DNAH10: variants seen among roughly 807,000 people sequenced by gnomAD.
The protein encoded by DNAH10 is axonemal beta dynein heavy chain 10.
In DNAH10, 348 loss-of-function variants were observed where a neutral mutation model predicts 506.6. The observed-to-expected ratio is 0.69, with a 90% CI of 0.63 to 0.75. The LOEUF (loss-of-function observed/expected upper bound fraction) is 0.75, where lower values mean the gene tolerates loss of function less well. Among genes scored for constraint, DNAH10 ranks in the 30% least tolerant of loss-of-function variants. The pLI is 0.00. For synonymous variants in DNAH10, 2,059 were observed against 2,198.6 expected (o/e 0.94, Z 1.78); for missense variants, 5,179 against 5,787.1 (o/e 0.89, Z 3.41).
chr12:123,914,266 A>G, intron 60 of DNAH10, 63 bp from the exon 61 acceptor site: 2 of 1,469,400 alleles, frequency 1.4e-6, no homozygotes, highest in Non-Finnish European at 1.9e-6. Flanking sequence ...TTCTTCTGGA[A>G]TGTTCCTTTT....
chr12:123,842,257 A>T (rs1950801420), intron 30 of DNAH10, among the ~76,000 whole-genome samples: 1 of 152,222 alleles, frequency 6.6e-6, no homozygotes, highest in Non-Finnish European at 1.5e-5. Context: ...CTAGGCGTTT[A>T]GTGGGATTAT....
intron 24 of DNAH10, among the ~76,000 whole-genome samples, chr12:123,823,612 T>C (rs1348672000): frequency 6.6e-6 from 1 of 152,224 alleles, no homozygotes; most frequent in African/African-American, 2.4e-5. Context: ...TAAGTGGTTT[T>C]AAAATGTTTA....
At position 123,848,769 on chromosome 12, in the gene DNAH10, G is replaced by A. The variant is rs778047241; in HGVS notation, c.5989G>A (p.Ala1997Thr). ...TTTCTCTGGCCTGGCACAGTGCGGG[G>A]CTTGGGGCTGCTTTGATGAGTTTAA... The part of the protein sequence containing the change: ...KIFSGLAQCG[A>T]WGCFDEFNRI... The change falls in exon 34 of 79, where the codon GCT (alanine) becomes ACT (threonine). Residue 1997 changes from alanine to threonine, a missense_variant. This residue lies in a region of DNAH10 where 4,844 missense variants were observed against 5,430.5 expected (regional missense o/e 0.89). Transcript: ENST00000673944. 1.9e-6 allele frequency: 3 copies of A among 1,613,874 alleles called. No individual in the cohort carries two copies. Among genetic ancestry groups the A allele is most frequent in the Non-Finnish European group, 2.5e-6 (3 of 1,179,890 alleles).
intron 29 of DNAH10, 103 bp from the exon 30 acceptor site, chr12:123,841,219 A>G: frequency 1.6e-6 from 2 of 1,237,146 alleles, no homozygotes; most frequent in Admixed American, 1.7e-5. Flanking sequence ...ACCGGTTGCC[A>G]TTGCTTGCAT....
At chr12:123,841,112 T>G (rs1010106942) in intron 29 of DNAH10, among the ~76,000 whole-genome samples, 2 of 152,214 alleles carry the variant, frequency 1.3e-5, no homozygotes, top group Non-Finnish European at 2.9e-5. Flanking sequence ...CCACAGATCT[T>G]TGCACAGTAC....
chr12:123,889,660 G>C (rs1361547859), intron 52 of DNAH10, among the ~76,000 whole-genome samples: 1 of 152,226 alleles, frequency 6.6e-6, no homozygotes, highest in Non-Finnish European at 1.5e-5. Flanking sequence ...TCACTGTAGA[G>C]ACTTTTCAGC....
intron 41 of DNAH10, 79 bp downstream of exon 41, chr12:123,866,152 G>T: frequency 8.6e-7 from 1 of 1,162,484 alleles, no homozygotes; most frequent in Non-Finnish European, 1.1e-6. Flanking sequence ...AGGGATGTTT[G>T]TAGTTGAAGG....
chr12:123,837,415 C>T (rs1008691415), intron 28 of DNAH10, among the ~76,000 whole-genome samples: 1 of 151,094 alleles, frequency 6.6e-6, no homozygotes, highest in African/African-American at 2.4e-5. Flanking sequence ...TTAGAAATTA[C>T]AAAAAGCCAA....
Position 123,796,849 on chromosome 12 carries a change from A to G in DNAH10, c.2163+17A>G, listed in dbSNP as rs139342147. On this transcript the variant is annotated intron_variant, in intron 13 of 78. Coordinates refer to ENST00000673944, the MANE Select transcript of DNAH10 (RefSeq NM_001372106.1). ...GGACAGGAGGTATGTTGCTCTTGCT[A>G]GAATTGGCTCCTTTTGTATTTGATT... 409 of 1,572,160 alleles carry G rather than the reference A, an allele frequency of 2.6e-4. 1 individual carries two copies. The East Asian group carries it at 8.7e-3, about 33-fold the overall frequency.
chr12:123,855,680 G>A (rs1028338597), intron 36 of DNAH10, among the ~76,000 whole-genome samples: 3 of 148,388 alleles, frequency 2.0e-5, no homozygotes, highest in East Asian at 1.9e-4. Context: ...ATATATATGC[G>A]CACCTAAAGG....
At position 123,913,357 on chromosome 12, in the gene DNAH10, G is replaced by A. The variant is rs1462247097; in HGVS notation, c.10352+42G>A. ...AGCCCACCTGTTGCGGTTTGTAAAC[G>A]GACGTCACCCACAGAGTTTCTCGCC... is the stretch of plus-strand genomic sequence containing the variant. On this transcript the variant is annotated intron_variant, in intron 60 of 78. Transcript: ENST00000673944. The surrounding 1 kb of genome is among the most constrained non-coding windows in gnomAD (Gnocchi z 5.1). The A allele has an allele frequency of 4.6e-6, 7 of 1,514,480 alleles. No homozygotes were observed. The highest frequency in any genetic ancestry group is 4.4e-5 in the Admixed American group (2 of 45,738). 93.8% of individuals were successfully genotyped at this position (1,514,480 alleles called of 1,614,324 possible).
chr12:123,805,120 G>T, intron 18 of DNAH10, 80 bp downstream of exon 18: 1 of 1,430,724 alleles, frequency 7.0e-7, no homozygotes, highest in Admixed American at 2.1e-5. Flanking sequence ...TAGAGGGGGT[G>T]GCAAGGTAGA....
At chr12:123,924,912 G>A in intron 67 of DNAH10, 138 bp from the exon 68 acceptor site, 1 of 1,128,288 alleles carries the variant, frequency 8.9e-7, no homozygotes, top group East Asian at 2.6e-5. Flanking sequence ...GAGAATGACA[G>A]ATCTGACCAG....
chr12:123,774,323 T>A (rs1957361011), intron 5 of DNAH10, 59 bp downstream of exon 5: 1 of 1,336,014 alleles, frequency 7.5e-7, no homozygotes, highest in African/African-American at 1.5e-5. Context: ...ATGTGGTTTG[T>A]TTATTCCACA....
intron 10 of DNAH10, among the ~76,000 whole-genome samples, chr12:123,788,668 C>T (rs1252896049): frequency 2.0e-5 from 3 of 152,158 alleles, no homozygotes; most frequent in Non-Finnish European, 4.4e-5. Flanking sequence ...TGGCTCACAC[C>T]TGTAATCCCA....
intron 65 of DNAH10, among the ~76,000 whole-genome samples, chr12:123,921,985 G>A (rs1471273007): frequency 6.6e-6 from 1 of 151,848 alleles, no homozygotes; most frequent in African/African-American, 2.4e-5. Flanking sequence ...AAAGTGCTAG[G>A]ATTACAGATG....
At chr12:123,887,374 C>T in intron 52 of DNAH10, 61 bp downstream of exon 52, 1 of 1,543,348 alleles carries the variant, frequency 6.5e-7, no homozygotes, top group Non-Finnish European at 8.7e-7. Context: ...AGGGAGTTCA[C>T]TTTCTTCAGC....
rs759083165 is a variant in DNAH10, at chr12:123,804,993, A to G, written c.2940A>G (p.Lys980=). Residue 980 remains lysine, a synonymous_variant, in exon 18 of 79, where the codon AAA becomes AAG. Coordinates refer to ENST00000673944, the MANE Select transcript of DNAH10 (RefSeq NM_001372106.1). ...GKAPKLASYY[K]YWEKKIYEVL... ...CCCCCAAGCTGGCCTCCTACTACAA[A>G]TACTGGGAAAAGAAAATTTATGAGG... 1.4e-5 allele frequency: 22 copies of G among 1,614,230 alleles called. No individual in the cohort carries two copies. The highest frequency in any genetic ancestry group is 1.8e-5 in the Non-Finnish European group (21 of 1,180,044).
chr12:123,924,705 C>T (rs1314941569), intron 67 of DNAH10, among the ~76,000 whole-genome samples: 1 of 150,964 alleles, frequency 6.6e-6, no homozygotes, highest in East Asian at 1.9e-4. Flanking sequence ...CATTCATCTA[C>T]CCATCTGCCC....
Sources: gnomAD v4.1 joint callset for allele counts (sites outside exome capture counted in the v4.1 genomes callset) on GRCh38, gnomAD v4.1.1 for gene constraint, gnomAD v4.1.1 regional missense constraint, Gnocchi (gnomAD v3.1) non-coding constraint, MANE v1.5 for transcripts, NCBI Gene and HGNC (gene_info 2026-07-23, HGNC 2026-07-21) for gene names.